ATRNL1: variants seen among roughly 807,000 people sequenced by gnomAD.
ATRNL1 encodes attractin like 1.
In ATRNL1, 95 loss-of-function variants were observed where a neutral mutation model predicts 182.7. That is an observed-to-expected ratio of 0.52 (90% CI 0.44 to 0.62). The LOEUF is 0.62. Ranked by LOEUF, ATRNL1 falls within the 20% of genes least tolerant of loss-of-function variation. The pLI, the probability that ATRNL1 is intolerant of heterozygous loss-of-function variation, is 0.00. For missense variants in ATRNL1, 1,471 were observed against 1,679.5 expected, an observed-to-expected ratio of 0.88 and a Z score of 2.17; for synonymous variants, 576 against 568.3, an observed-to-expected ratio of 1.01 and a Z score of -0.19.
At chr10:115,326,783 A>G (rs1854911962) in intron 18 of ATRNL1, among the ~76,000 whole-genome samples, 1 of 152,156 alleles carries the variant, frequency 6.6e-6, no homozygotes, top group Non-Finnish European at 1.5e-5. Flanking sequence ...AACGCTGCAC[A>G]TCTACAACTA....
chr10:115,581,757 A>C (rs1272593753), intron 26 of ATRNL1, among the ~76,000 whole-genome samples: 1 of 141,420 alleles, frequency 7.1e-6, no homozygotes, highest in African/African-American at 2.5e-5. Context: ...TTTTTTTTTT[A>C]TTATACTTTA....
chr10:115,886,190 C>T (rs782754516), intron 28 of ATRNL1, among the ~76,000 whole-genome samples: 4 of 152,002 alleles, frequency 2.6e-5, no homozygotes, highest in Non-Finnish European at 5.9e-5. Context: ...AGGATTGAGC[C>T]ATCACATGGA....
chr10:115,166,028 A>C (rs1211454405), intron 7 of ATRNL1, among the ~76,000 whole-genome samples: 3 of 152,126 alleles, frequency 2.0e-5, no homozygotes, highest in Admixed American at 2.0e-4. Flanking sequence ...AACATTTTTC[A>C]TCGGGCAAAA....
chr10:115,939,758 G>A (rs558995922), intron 28 of ATRNL1, among the ~76,000 whole-genome samples: 46 of 152,196 alleles, frequency 3.0e-4, no homozygotes, highest in Non-Finnish European at 5.4e-4. Flanking sequence ...GAACTCTAGC[G>A]GCGTGCAGCA....
chr10:115,848,181 C>T (rs1555099498), intron 28 of ATRNL1, among the ~76,000 whole-genome samples, 190 bp downstream of exon 28: 1 of 152,096 alleles, frequency 6.6e-6, no homozygotes, highest in African/African-American at 2.4e-5. Context: ...GGTAGATTTC[C>T]CAGTGTTTCT....
At chr10:115,599,850 C>G (rs2804218) in intron 26 of ATRNL1, among the ~76,000 whole-genome samples, 1 of 152,164 alleles carries the variant, frequency 6.6e-6, no homozygotes, top group Non-Finnish European at 1.5e-5. Flanking sequence ...TATACAATAA[C>G]GCAACTGATT....
chr10:115,302,103 A>C (rs1853501090), intron 17 of ATRNL1, 60 bp downstream of exon 17: 2 of 1,381,464 alleles, frequency 1.4e-6, no homozygotes, highest in Non-Finnish European at 2.0e-6. Flanking sequence ...CTTTTCTGTG[A>C]TGTAAAGAAG....
rs572743389 is a variant in ATRNL1 at position 115,856,428 on chromosome 10, CAAAAAAA to C, written c.4018+8453_4018+8459del. Among the ~76,000 whole-genome samples the C allele has an allele frequency of 4.4e-4, 10 of 22,536 alleles. 1 individual carries two copies. The highest frequency in any genetic ancestry group is 9.6e-4 in the African/African-American group (7 of 7,280). The allele number at this position is 22,536 out of a possible 152,430, so 14.8% of individuals were successfully genotyped here. A position where few individuals can be genotyped will look rare whatever the true frequency, so the allele number is the denominator to read the frequency against. On this transcript the variant is annotated intron_variant, in intron 28 of 28. Coordinates refer to ENST00000355044, the MANE Select transcript of ATRNL1 (RefSeq NM_207303.4). ...GGGCAACAAGAGCGAAGCTCCATCT[CAAAAAAA>C]AAAAAAAAAAAAAAAGCCATACATA...
intron 26 of ATRNL1, among the ~76,000 whole-genome samples, chr10:115,690,405 G>A (rs1365883411): frequency 4.6e-5 from 7 of 152,054 alleles, no homozygotes; most frequent in Non-Finnish European, 1.0e-4. Flanking sequence ...TTGCAATAGG[G>A]TTCTCGCTCC....
chr10:115,621,247 A>G (rs1555022644), intron 26 of ATRNL1, among the ~76,000 whole-genome samples: 1 of 133,322 alleles, frequency 7.5e-6, no homozygotes, highest in African/African-American at 2.9e-5. Flanking sequence ...ATGGCCATTG[A>G]GCTCTGAATA....
chr10:115,154,990 T>C (rs1846437456), intron 5 of ATRNL1, among the ~76,000 whole-genome samples: 1 of 152,220 alleles, frequency 6.6e-6, no homozygotes, highest in South Asian at 2.1e-4. Context: ...GCTCCAGTGA[T>C]GGCTACATAT....
intron 26 of ATRNL1, among the ~76,000 whole-genome samples, chr10:115,700,346 A>G (rs1330107438): frequency 1.3e-5 from 2 of 152,150 alleles, no homozygotes; most frequent in Admixed American, 6.6e-5. Flanking sequence ...CCTCACCAGC[A>G]TCTACTGTTG....
intron 26 of ATRNL1, among the ~76,000 whole-genome samples, chr10:115,677,154 G>A (rs1945889819): frequency 6.6e-6 from 1 of 152,110 alleles, no homozygotes; most frequent in Non-Finnish European, 1.5e-5. Flanking sequence ...CAAGTCGATA[G>A]AGGGCTATTG....
chr10:115,852,251 C>CTAGAAAG (rs1555100707), intron 28 of ATRNL1, among the ~76,000 whole-genome samples: 4 of 152,120 alleles, frequency 2.6e-5, no homozygotes, highest in Non-Finnish European at 5.9e-5. Context: ...AAGAATACTG[C>CTAGAAAG]CAGAAAGTCT....
chr10:115,336,989 G>T (rs868969926), intron 19 of ATRNL1, among the ~76,000 whole-genome samples: 6 of 141,648 alleles, frequency 4.2e-5, no homozygotes, highest in African/African-American at 7.9e-5. Context: ...GGGGGGGGGG[G>T]ACTACAGGGG....
chr10:115,943,612 G>A (rs1300912506), intron 28 of ATRNL1, among the ~76,000 whole-genome samples: 1 of 29,140 alleles, frequency 3.4e-5, no homozygotes, highest in Non-Finnish European at 9.9e-5. Context: ...ATACAGTTTG[G>A]CTTTTTTTTT....
rs1484040540 is a variant in ATRNL1 at position 115,297,262 on chromosome 10, T to C, written c.2416-2772T>C. ...AGGTGTATTTGTAAAGTATTATTTT[T>C]AGCATATGGGACAAACAACATAAGT... On this transcript the variant is annotated intron_variant, in intron 15 of 28. Transcript: ENST00000355044. 2.0e-5 allele frequency among the ~76,000 whole-genome samples: 3 copies of C among 152,190 alleles called. No individual in the cohort carries two copies. The East Asian group carries it at 5.8e-4, about 29-fold the overall frequency.
At chr10:115,223,929 A>ATATATATATATTTTTT (rs1420143943) in intron 9 of ATRNL1, among the ~76,000 whole-genome samples, 10 of 44,732 alleles carry the variant, frequency 2.2e-4, no homozygotes, top group African/African-American at 7.4e-4. Context: ...ATATATATAT[A>ATATATATATATTTTTT]TTTTTTTTTT....
chr10:115,378,129 A>T (rs1253539743), intron 19 of ATRNL1, among the ~76,000 whole-genome samples: 2 of 152,114 alleles, frequency 1.3e-5, no homozygotes, highest in Non-Finnish European at 2.9e-5. Flanking sequence ...CAAGGTCTTC[A>T]TATCTGTCTC....
Sources: allele counts gnomAD v4.1 joint callset (sites outside exome capture counted in the v4.1 genomes callset), GRCh38; gene constraint gnomAD v4.1.1; transcripts MANE v1.5; gene names NCBI Gene and HGNC (gene_info 2026-07-23, HGNC 2026-07-21).